Variants in STK33 observed in about 807,000 individuals in gnomAD.
STK33 encodes the protein serine/threonine-protein kinase 33.
Under a neutral mutation model 58.0 loss-of-function variants are expected in STK33, and 52 were observed. The ratio of observed to expected loss-of-function variants is 0.90; its 90% CI spans 0.72 to 1.13. The LOEUF is 1.13. STK33 is among the 50% of genes most tolerant of loss of function. The probability of loss-of-function intolerance (pLI) is 0.00; values close to 1 mark genes in which losing one functional copy is unlikely to be tolerated. For missense variants in STK33, 630 were observed against 604.2 expected (o/e 1.04, Z -0.45); for synonymous variants, 215 against 200.1 (o/e 1.07, Z -0.63).
the STK33 span, among the ~76,000 whole-genome samples, chr11:8,355,401 T>G: frequency 1.3e-5 from 2 of 152,264 alleles, no homozygotes; most frequent in Admixed American, 1.3e-4. Flanking sequence ...ATGGGGTTAG[T>G]GGCTACGGTA....
intron 15 of STK33, among the ~76,000 whole-genome samples, chr11:8,409,216 A>G (rs1376820662): frequency 1.3e-5 from 2 of 152,184 alleles, no homozygotes; most frequent in Non-Finnish European, 2.9e-5. Flanking sequence ...ATTTTTCTCA[A>G]TTAATTTCAG....
At chr11:8,457,124 G>A (rs1473284211) in intron 9 of STK33, among the ~76,000 whole-genome samples, 1 of 152,014 alleles carries the variant, frequency 6.6e-6, no homozygotes, top group African/African-American at 2.4e-5. Flanking sequence ...TCTTCAAACT[G>A]TTGAATAAAA....
chr11:8,547,623 G>A (rs918730692), intron 1 of STK33, among the ~76,000 whole-genome samples: 5 of 152,180 alleles, frequency 3.3e-5, no homozygotes, highest in Non-Finnish European at 7.3e-5. Context: ...TTCTGGTTAT[G>A]AATTCCTTGT....
At chr11:8,472,592 A>G (rs961678718) in intron 6 of STK33, among the ~76,000 whole-genome samples, 1 of 152,200 alleles carries the variant, frequency 6.6e-6, no homozygotes, top group Non-Finnish European at 1.5e-5. Flanking sequence ...AAGCAATTTA[A>G]ATGGTAATAT....
At chr11:8,496,749 T>C (rs1951090176) in intron 1 of STK33, among the ~76,000 whole-genome samples, 1 of 152,016 alleles carries the variant, frequency 6.6e-6, no homozygotes, top group Admixed American at 6.6e-5. Flanking sequence ...TAATTTTTTA[T>C]ATTTTTAGTA....
chr11:8,498,260 T>C (rs954690297), intron 1 of STK33, among the ~76,000 whole-genome samples: 1 of 151,976 alleles, frequency 6.6e-6, no homozygotes, highest in African/African-American at 2.4e-5. Context: ...ATAAAAGTCA[T>C]CTATTAAAAA....
At chr11:8,358,163 G>A in the STK33 span, among the ~76,000 whole-genome samples, 2 of 152,126 alleles carry the variant, frequency 1.3e-5, no homozygotes, top group African/African-American at 2.4e-5. Flanking sequence ...ACAAATCACC[G>A]GCTGCCCACC....
At chr11:8,337,649 G>T in the STK33 span, among the ~76,000 whole-genome samples, 12 of 149,254 alleles carry the variant, frequency 8.0e-5, no homozygotes, top group African/African-American at 2.4e-4. Flanking sequence ...GGGGGGCGGG[G>T]GGGGGGCCCT....
At chr11:8,533,513 A>AG (rs1954714709) in intron 1 of STK33, 1 of 152,274 alleles carries the variant, frequency 6.6e-6, no homozygotes. Flanking sequence ...GAAAGAGGTG[A>AG]AGATCAGCCA....
chr11:8,346,797 G>A, the STK33 span, among the ~76,000 whole-genome samples: 2 of 152,032 alleles, frequency 1.3e-5, no homozygotes. Flanking sequence ...CTTCTTCCAC[G>A]TGGGCAGCAT....
intron 10 of STK33, among the ~76,000 whole-genome samples, 191 bp downstream of exon 10, chr11:8,454,553 A>G (rs1034877622): frequency 1.3e-5 from 2 of 152,226 alleles, no homozygotes; most frequent in Non-Finnish European, 2.9e-5. Flanking sequence ...AACACATTCA[A>G]TAGCTCCACT....
At chr11:8,477,129 C>G (rs568076404) in intron 3 of STK33, 121 bp downstream of exon 3, 2 of 129,238 alleles carry the variant, frequency 1.5e-5, no homozygotes, top group African/African-American at 6.1e-5. Flanking sequence ...GCAACTGATG[C>G]CACTCAAAAT....
At chr11:8,493,309 C>CT (rs1255070545) in intron 1 of STK33, among the ~76,000 whole-genome samples, 14 of 152,016 alleles carry the variant, frequency 9.2e-5, no homozygotes, top group Admixed American at 7.9e-4. Flanking sequence ...TCAGAGAATA[C>CT]TGTAAACATC....
chr11:8,448,423 C>T (rs569289420), intron 11 of STK33, among the ~76,000 whole-genome samples: 2 of 152,004 alleles, frequency 1.3e-5, no homozygotes, highest in Admixed American at 6.6e-5. Context: ...TGGTACTGGT[C>T]CCAAAATAGA....
chr11:8,542,722 G>C (rs1955615564), intron 1 of STK33, among the ~76,000 whole-genome samples: 1 of 151,004 alleles, frequency 6.6e-6, no homozygotes, highest in Non-Finnish European at 1.5e-5. Context: ...AAAAGATTTA[G>C]TTTGCACTTT....
At chr11:8,508,711 G>A (rs74416030) in intron 1 of STK33, among the ~76,000 whole-genome samples, 2,426 of 152,154 alleles carry the variant, frequency 0.016, 58 homozygotes, top group African/African-American at 0.055. Context: ...AACCTCAATC[G>A]GGACATGTGA....
At chr11:8,368,632 C>A in the STK33 span, among the ~76,000 whole-genome samples, 2 of 152,262 alleles carry the variant, frequency 1.3e-5, no homozygotes, top group East Asian at 1.9e-4. Flanking sequence ...CTCTAATTAA[C>A]CCCTCCAGTT....
intron 1 of STK33, among the ~76,000 whole-genome samples, chr11:8,590,802 C>T (rs2032473907): frequency 6.6e-6 from 1 of 152,140 alleles, no homozygotes; most frequent in Non-Finnish European, 1.5e-5. Flanking sequence ...CACAGTTAGC[C>T]TCACTCATAT....
At chr11:8,394,793 T>C (rs1389071971) in intron 15 of STK33, among the ~76,000 whole-genome samples, 1 of 152,216 alleles carries the variant, frequency 6.6e-6, no homozygotes, top group African/African-American at 2.4e-5. Context: ...TTTAGTTGCT[T>C]TGGTGTAGAA....
Sources: gnomAD v4.1 joint callset for allele counts (sites outside exome capture counted in the v4.1 genomes callset) on GRCh38, gnomAD v4.1.1 for gene constraint, MANE v1.5 for transcripts, NCBI Gene and HGNC (gene_info 2026-07-23, HGNC 2026-07-21) for gene names.